Variants in CAMK2B observed in about 807,000 individuals in gnomAD.
The protein encoded by CAMK2B is calcium/calmodulin-dependent protein kinase type II subunit beta.
A neutral mutation model predicts 93.7 loss-of-function variants in CAMK2B; 27 were observed. That is an observed-to-expected ratio of 0.29 (90% CI 0.21 to 0.40). The LOEUF (loss-of-function observed/expected upper bound fraction) is 0.40, where lower values mean the gene tolerates loss of function less well. Among genes scored for constraint, CAMK2B ranks in the 10% least tolerant of loss-of-function variants. CAMK2B has a pLI of 1.00. For synonymous variants in CAMK2B, 374 were observed against 358.8 expected (o/e 1.04, Z -0.48); for missense variants, 568 against 895.8 (o/e 0.63, Z 4.67).
At chr7:44,284,041 A>G in intron 2 of CAMK2B, 90 bp downstream of exon 2, 1 of 906,560 alleles carries the variant, frequency 1.1e-6, no homozygotes, top group Non-Finnish European at 1.7e-6. Context: ...CAAGACTGGG[A>G]GGGGCCTGCT....
rs1459526930 is a variant in CAMK2B at position 44,231,067 on chromosome 7, G to C, written c.1177-13C>G. ...TGTCAGAAGACTCCTGAGGAAACAC[G>C]GGAGGCAGCGGGTCAGGATGCGGCC... On this transcript the variant is annotated splice_polypyrimidine_tract_variant and intron_variant, in intron 16 of 23. Coordinates refer to ENST00000395749, the MANE Select transcript of CAMK2B (RefSeq NM_001220.5). The C allele has an allele frequency of 1.9e-6, 3 of 1,552,586 alleles. No homozygotes were observed. Among genetic ancestry groups the C allele is most frequent in the Non-Finnish European group, 2.6e-6 (3 of 1,147,450 alleles).
chr7:44,239,613 T>C lies in CAMK2B; in HGVS notation c.997A>G (p.Thr333Ala). ...CCTTGTTCCACCAGCCCCATGGTGGTGCCGGAGGCCGCGGTGGACATTGTG... is the reference window on the plus strand; with the variant it reads ...CCTTGTTCCACCAGCCCCATGGTGGCGCCGGAGGCCGCGGTGGACATTGTG... ...PATMSTAASG[T>A]TMGLVEQAKS... is the part of the protein sequence containing the mutation. Residue 333 changes from threonine to alanine, a missense_variant, in exon 13 of 24, where the codon ACC becomes GCC. Around this residue, in one of 4 missense-constraint regions of CAMK2B, gnomAD observed 308 missense variants for 292.1 expected, o/e 1.05. Coordinates refer to ENST00000395749, the MANE Select transcript of CAMK2B (RefSeq NM_001220.5). The C allele has an allele frequency of 6.5e-7, 1 of 1,539,206 alleles. No individual in the cohort carries two copies. Among genetic ancestry groups the C allele is most frequent in the Non-Finnish European group, 8.8e-7 (1 of 1,141,690 alleles).
chr7:44,220,738 GC>G, intron 21 of CAMK2B, 28 bp from the exon 22 acceptor site: 1 of 1,593,926 alleles, frequency 6.3e-7, no homozygotes, highest in Non-Finnish European at 8.6e-7. Flanking sequence ...GTGAGGAGGG[GC>G]CCCGTGGACC....
chr7:44,294,524 A>G (rs2129151569), intron 1 of CAMK2B, among the ~76,000 whole-genome samples: 1 of 152,270 alleles, frequency 6.6e-6, no homozygotes, highest in African/African-American at 2.4e-5. Flanking sequence ...GTCTGCACTG[A>G]GCACCAGAAG....
intron 2 of CAMK2B, among the ~76,000 whole-genome samples, chr7:44,270,764 G>A (rs1183979341): frequency 1.3e-4 from 20 of 152,214 alleles, no homozygotes; most frequent in Non-Finnish European, 2.4e-4. Flanking sequence ...CACAGAGCTG[G>A]GCACACATCT....
rs565847180 is a variant in CAMK2B at position 44,229,586 on chromosome 7, G to C, written c.1226-85C>G. On this transcript the variant is annotated intron_variant, in intron 17 of 23. Transcript: ENST00000395749. ...CTGGAGAAGGACAGGGGGAGGCCAG[G>C]AGGGAGGGAGGGGGTGACAGCTGGA... 40 of 534,584 alleles carry C rather than the reference G, an allele frequency of 7.5e-5. No homozygotes were observed. The South Asian group carries it at 1.3e-3, about 17-fold the overall frequency. The allele number at this position is 534,584 out of a possible 1,614,324, so 33.1% of individuals were successfully genotyped here. A position where few individuals can be genotyped will look rare whatever the true frequency, so the allele number is the denominator to read the frequency against.
chr7:44,320,169 A>G (rs1405268262), intron 1 of CAMK2B, among the ~76,000 whole-genome samples: 1 of 152,156 alleles, frequency 6.6e-6, no homozygotes, highest in Non-Finnish European at 1.5e-5. Flanking sequence ...CTGGTGTCAT[A>G]TGGAGTCAGA....
intron 1 of CAMK2B, among the ~76,000 whole-genome samples, chr7:44,304,719 G>T (rs1274316887): frequency 2.0e-5 from 3 of 152,202 alleles, no homozygotes; most frequent in Non-Finnish European, 4.4e-5. Flanking sequence ...ATCTACAACA[G>T]CAAGAGCAAA....
rs1375149052 is a variant in CAMK2B at position 44,243,238 on chromosome 7, G to A, written c.601+12C>T. On this transcript the variant is annotated intron_variant, in intron 8 of 23. Coordinates refer to ENST00000395749, the MANE Select transcript of CAMK2B (RefSeq NM_001220.5). Reference sequence around the variant, plus strand: ...GAGGCCCTGCCCCGCACCAACTCAGGCCAGGCCTCACCACATGCCCAGATG... The same window carrying A: ...GAGGCCCTGCCCCGCACCAACTCAGACCAGGCCTCACCACATGCCCAGATG... 2 of 1,609,824 alleles carry A rather than the reference G, an allele frequency of 1.2e-6. No homozygotes were observed. The highest frequency in any genetic ancestry group is 2.2e-5 in the South Asian group (2 of 90,948).
chr7:44,237,980 C>T (rs576250741), intron 13 of CAMK2B, among the ~76,000 whole-genome samples: 17 of 152,222 alleles, frequency 1.1e-4, no homozygotes, highest in Non-Finnish European at 2.1e-4. Flanking sequence ...AACTGAAGCA[C>T]ACTCGACAGA....
chr7:44,310,847 G>A (rs1008771697), intron 1 of CAMK2B, among the ~76,000 whole-genome samples: 8 of 152,148 alleles, frequency 5.3e-5, no homozygotes, highest in African/African-American at 1.4e-4. Flanking sequence ...AGACAAAAAC[G>A]TTCTGGAGAT....
At chr7:44,272,425 C>T (rs1009938704) in intron 2 of CAMK2B, among the ~76,000 whole-genome samples, 1 of 152,176 alleles carries the variant, frequency 6.6e-6, no homozygotes, top group Non-Finnish European at 1.5e-5. Flanking sequence ...GAGGCTGAGC[C>T]CTGTGATGAA....
intron 2 of CAMK2B, among the ~76,000 whole-genome samples, chr7:44,279,289 C>G (rs962556867): frequency 6.6e-6 from 1 of 152,178 alleles, no homozygotes; most frequent in African/African-American, 2.4e-5. Flanking sequence ...ATCATTTTCT[C>G]TGTATTTGGG....
intron 4 of CAMK2B, among the ~76,000 whole-genome samples, chr7:44,255,374 G>T (rs1373263900): frequency 6.6e-6 from 1 of 152,208 alleles, no homozygotes; most frequent in Non-Finnish European, 1.5e-5. Flanking sequence ...TGGAGGGGCT[G>T]GATGCACGGC....
intron 2 of CAMK2B, among the ~76,000 whole-genome samples, chr7:44,263,371 C>T (rs74996663): frequency 0.026 from 3,947 of 152,322 alleles, 151 homozygotes; most frequent in African/African-American, 0.09. Context: ...TAGTCCTCCA[C>T]TTATTTGTCC....
At chr7:44,291,729 G>T (rs139418129) in intron 1 of CAMK2B, among the ~76,000 whole-genome samples, 1 of 152,322 alleles carries the variant, frequency 6.6e-6, no homozygotes, top group Non-Finnish European at 1.5e-5. Flanking sequence ...ATTAGCAAGC[G>T]TTTAGGAGGT....
intron 1 of CAMK2B, among the ~76,000 whole-genome samples, chr7:44,313,706 C>T (rs1794139052): frequency 6.8e-6 from 1 of 146,720 alleles, no homozygotes; most frequent in Non-Finnish European, 1.5e-5. Context: ...GGTCAGAACC[C>T]GCCCCAGGCC....
chr7:44,257,069 G>A (rs1468184675), intron 4 of CAMK2B, among the ~76,000 whole-genome samples: 2 of 152,208 alleles, frequency 1.3e-5, no homozygotes, highest in African/African-American at 4.8e-5. Context: ...GTGCAGGTGT[G>A]TGTGAGACCC....
At chr7:44,272,196 G>A (rs1302781597) in intron 2 of CAMK2B, among the ~76,000 whole-genome samples, 2 of 152,220 alleles carry the variant, frequency 1.3e-5, no homozygotes, top group Non-Finnish European at 2.9e-5. Context: ...GGGGTGGGCA[G>A]CGAGGACTTG....
Sources: gnomAD v4.1 joint callset for allele counts (sites outside exome capture counted in the v4.1 genomes callset) on GRCh38, gnomAD v4.1.1 for gene constraint, gnomAD v4.1.1 regional missense constraint, MANE v1.5 for transcripts, NCBI Gene and HGNC (gene_info 2026-07-23, HGNC 2026-07-21) for gene names.